The following ARID3C variants were observed in gnomAD, a reference collection of about 807,000 sequenced individuals.
ARID3C encodes AT-rich interactive domain-containing protein 3C.
In ARID3C, 42 loss-of-function variants were observed where a neutral mutation model predicts 37.9. That is an observed-to-expected ratio of 1.11 (90% confidence interval 0.87 to 1.43). The LOEUF (loss-of-function observed/expected upper bound fraction) is 1.43. ARID3C is among the 40% of genes most tolerant of loss of function. The pLI is 0.00. For synonymous variants in ARID3C, 213 were observed against 228.0 expected (o/e 0.93, Z 0.59); for missense variants, 581 against 548.8 (o/e 1.06, Z -0.59).
At position 34,623,344 on chromosome 9, in the gene ARID3C, C is replaced by G; in HGVS notation, c.865+81G>C. The G allele has an allele frequency of 2.1e-6, 3 of 1,427,844 alleles. No homozygotes were observed. In the Admixed American group the frequency reaches 7.8e-5, roughly 37 times the overall value. 88.4% of individuals were successfully genotyped at this position (1,427,844 alleles called of 1,614,324 possible). On this transcript the variant is annotated intron_variant, in intron 4 of 6. Coordinates refer to ENST00000378909, the Ensembl canonical transcript of ARID3C. The stretch of plus-strand genomic sequence containing the variant: ...CTCAATGCCTCCCCAGACCTCAATC[C>G]TCACATTTTAATGGTTGCTATATCT...
At chr9:34,627,102 G>C (rs570005922) in intron 1 of ARID3C, among the ~76,000 whole-genome samples, 1 of 152,306 alleles carries the variant, frequency 6.6e-6, no homozygotes, top group Non-Finnish European at 1.5e-5. Flanking sequence ...TCCCAGGCTG[G>C]GAACTATCAT....
intron 5 of ARID3C, 58 bp downstream of exon 6, chr9:34,622,289 G>A: frequency 6.4e-7 from 1 of 1,571,404 alleles, no homozygotes; most frequent in Non-Finnish European, 8.6e-7. Context: ...TCAGGTGATG[G>A]GTCAATCCTC....
chr9:34,622,378 A>T, exon 5 of ARID3C: 1 of 1,612,764 alleles, frequency 6.2e-7, no homozygotes, highest in Non-Finnish European at 8.5e-7. Context: ...GGGGCAGGAA[A>T]CTGGGGGGCA....
chr9:34,623,828 T>C, intron 3 of ARID3C, 36 bp downstream of exon 4: 1 of 1,353,522 alleles, frequency 7.4e-7, no homozygotes, highest in Non-Finnish European at 1.0e-6. Context: ...GCCGAACCCG[T>C]GCCCCCTTCC....
chr9:34,623,796 A>ACCCGCCC, intron 3 of ARID3C, 68 bp downstream of exon 4: 122 of 1,134,200 alleles, frequency 1.1e-4, no homozygotes, highest in Non-Finnish European at 1.4e-4. Flanking sequence ...CCGCCCGGGG[A>ACCCGCCC]CCCTCCCCCC....
intron 1 of ARID3C, 47 bp downstream of exon 2, chr9:34,627,650 A>C: frequency 1.3e-6 from 2 of 1,519,642 alleles, no homozygotes; most frequent in Non-Finnish European, 1.8e-6. Flanking sequence ...TTTTGCCAGA[A>C]GAGAGAGATA....
upstream of ARID3C, among the ~76,000 whole-genome samples, chr9:34,631,151 A>G (rs993457149): frequency 4.6e-5 from 7 of 152,140 alleles, no homozygotes; most frequent in Non-Finnish European, 1.5e-5. Context: ...TCCATGGACA[A>G]AGGTAGGTGG....
Position 34,624,054 on chromosome 9 carries a change from G to A in ARID3C, c.392-7C>T. On this transcript the variant is annotated splice_region_variant and splice_polypyrimidine_tract_variant and intron_variant, in intron 2 of 6. Coordinates refer to ENST00000378909, the Ensembl canonical transcript of ARID3C. ...ACGCGGTTCACTGGCGTCCCTGGTG[G>A]GGAGCGGGCTGCCGTCAGGACACTG... The A allele has an allele frequency of 5.1e-6, 8 of 1,577,238 alleles. No homozygotes were observed. The highest frequency in any genetic ancestry group is 6.9e-6 in the Non-Finnish European group (8 of 1,164,116).
chr9:34,628,129 A>G (rs951506580), upstream of ARID3C: 28 of 1,363,176 alleles, frequency 2.1e-5, no homozygotes, highest in African/African-American at 4.1e-4. This position sits in a 1 kb window ranked among gnomAD's most constrained non-coding sequence, Gnocchi z 5.2. Flanking sequence ...TACTGCCCCC[A>G]GAGCCCCCCA....
upstream of ARID3C, among the ~76,000 whole-genome samples, chr9:34,629,075 C>G (rs1820698433): frequency 6.6e-6 from 1 of 152,012 alleles, no homozygotes; most frequent in South Asian, 2.1e-4. Flanking sequence ...CTGCTTGCGG[C>G]GGCCGCGGGG....
chr9:34,628,407 G>A (rs1820687922), upstream of ARID3C, among the ~76,000 whole-genome samples: 1 of 152,118 alleles, frequency 6.6e-6, no homozygotes, highest in Non-Finnish European at 1.5e-5. This position sits in a 1 kb window ranked among gnomAD's most constrained non-coding sequence, Gnocchi z 5.2. Flanking sequence ...AATAGAGATG[G>A]AACAGGGTGA....
Position 34,621,400 on chromosome 9 carries a change from G to A in ARID3C, c.*58C>T, listed in dbSNP as rs1005733246. On this transcript the variant is annotated 3_prime_UTR_variant, in exon 7 of 7. Coordinates refer to ENST00000378909, the Ensembl canonical transcript of ARID3C. ...TGGGCAGCCAGAAAGAATCAAAGCAGGGGGTCTCCTCCCCCCTCAGCAATG... is the reference window on the plus strand; with the variant it reads ...TGGGCAGCCAGAAAGAATCAAAGCAAGGGGTCTCCTCCCCCCTCAGCAATG... 3.3e-6 allele frequency: 4 copies of A among 1,216,572 alleles called. No individual in the cohort carries two copies. In the African/African-American group the frequency reaches 6.4e-5, roughly 20 times the overall value. 75.4% of individuals were successfully genotyped at this position (1,216,572 alleles called of 1,614,324 possible). A position where few individuals can be genotyped will look rare whatever the true frequency, so the allele number is the denominator to read the frequency against.
downstream of ARID3C, chr9:34,621,355 C>T: frequency 2.4e-6 from 2 of 824,468 alleles, no homozygotes; most frequent in South Asian, 4.6e-5. Flanking sequence ...GTCGTCCCCT[C>T]CCAGGGCTGG....
upstream of ARID3C, among the ~76,000 whole-genome samples, chr9:34,628,617 A>T (rs577384035): frequency 6.6e-6 from 1 of 152,298 alleles, no homozygotes; most frequent in East Asian, 1.9e-4. This position sits in a 1 kb window ranked among gnomAD's most constrained non-coding sequence, Gnocchi z 5.2. Flanking sequence ...ACGGACAGAG[A>T]CGGAGAGACA....
downstream of ARID3C, chr9:34,621,376 G>T (rs761353050): frequency 3.9e-6 from 4 of 1,018,998 alleles, no homozygotes; most frequent in East Asian, 6.1e-5. Flanking sequence ...GTCCCAGAGT[G>T]GGCAGCCAGA....
At chr9:34,622,962 A>G (rs1021537330) in intron 4 of ARID3C, among the ~76,000 whole-genome samples, 8 of 151,908 alleles carry the variant, frequency 5.3e-5, no homozygotes, top group African/African-American at 1.7e-4. Context: ...CCTGGCTAAC[A>G]CGGTGAAACC....
At chr9:34,623,673 G>A in exon 4 of ARID3C, 1 of 1,580,350 alleles carries the variant, frequency 6.3e-7, no homozygotes, top group South Asian at 1.1e-5. Flanking sequence ...GGAGCTGAGC[G>A]CTCGAGTCTC....
At chr9:34,625,673 C>A in intron 2 of ARID3C, 69 bp downstream of exon 3, 1 of 1,582,534 alleles carries the variant, frequency 6.3e-7, no homozygotes, top group South Asian at 1.1e-5. Flanking sequence ...CAGGGAGAAC[C>A]CAACCGGGTT....
chr9:34,621,666 A>AC, intron 6 of ARID3C, 108 bp from the exon 8 acceptor site: 2 of 810,406 alleles, frequency 2.5e-6, no homozygotes, highest in Non-Finnish European at 2.0e-6. Flanking sequence ...CTAGAACACT[A>AC]CACACGTACC....
Sources: gnomAD v4.1 joint callset for allele counts (sites outside exome capture counted in the v4.1 genomes callset) on GRCh38, gnomAD v4.1.1 for gene constraint, Gnocchi (gnomAD v3.1) non-coding constraint, MANE v1.5 for transcripts, NCBI Gene and HGNC (gene_info 2026-07-23, HGNC 2026-07-21) for gene names.